Variants in PLXNA2 observed in about 807,000 individuals in gnomAD.
PLXNA2 encodes plexin A2, also known as plexin-A2.
PLXNA2 carries 91 observed loss-of-function variants against 193.5 expected under a neutral mutation model. The observed-to-expected ratio is 0.47, with a 90% confidence interval of 0.40 to 0.56. PLXNA2 has a LOEUF of 0.56. Among genes scored for constraint, PLXNA2 ranks in the 20% least tolerant of loss-of-function variants. PLXNA2 has a pLI of 0.00. For missense variants in PLXNA2, 1,995 were observed against 2,503.2 expected (o/e 0.80, Z 4.33); for synonymous variants, 997 against 1,027.3 (o/e 0.97, Z 0.56).
intron 3 of PLXNA2, among the ~76,000 whole-genome samples, chr1:208,189,260 T>C (rs972906197): frequency 1.2e-4 from 19 of 152,168 alleles, no homozygotes; most frequent in African/African-American, 4.6e-4. Flanking sequence ...GAGAGTCTTA[T>C]GGTGATGACT....
chr1:208,210,237 G>A, intron 3 of PLXNA2, 43 bp downstream of exon 3: 1 of 1,592,000 alleles, frequency 6.3e-7, no homozygotes, highest in Non-Finnish European at 8.6e-7. Flanking sequence ...TCTTTGCTGA[G>A]GAGGTGAATG....
Position 208,082,261 on chromosome 1 carries a change from C to T in PLXNA2, c.2395+151G>A. 1 of 664,144 alleles carries T rather than the reference C, an allele frequency of 1.5e-6. No individual in the cohort carries two copies. The highest frequency in any genetic ancestry group is 2.7e-6 in the Non-Finnish European group (1 of 370,802). 41.1% of individuals were successfully genotyped at this position (664,144 alleles called of 1,614,324 possible). A position where few individuals can be genotyped will look rare whatever the true frequency, so the allele number is the denominator to read the frequency against. On this transcript the variant is annotated intron_variant, in intron 11 of 31. Coordinates refer to ENST00000367033, the MANE Select transcript of PLXNA2 (RefSeq NM_025179.4). The surrounding 1 kb of genome is among the most constrained non-coding windows in gnomAD (Gnocchi z 4.2). ...CCCAACAGGACTCCTTTGATGACTC[C>T]AAATGTTGCTTTAGGATCCTCTGAA... is the stretch of plus-strand genomic sequence containing the variant.
In PLXNA2 at chr1:208,099,337, G is replaced by A. The variant is rs139320531; in HGVS notation, c.1608-368C>T. On this transcript the variant is annotated intron_variant, in intron 5 of 31. Transcript: ENST00000367033. ...AAAGTTCACTCCACAGTGCGGGAGC[G>A]GGCCTGAGCATAGGGGCTCAAAGGC... 2.8e-4 allele frequency among the ~76,000 whole-genome samples: 42 copies of A among 152,352 alleles called. 1 individual carries two copies. Among genetic ancestry groups the A allele is most frequent in the African/African-American group, 8.9e-4 (37 of 41,588 alleles).
At chr1:208,066,721 A>G (rs979720802) in intron 12 of PLXNA2, among the ~76,000 whole-genome samples, 1 of 152,190 alleles carries the variant, frequency 6.6e-6, no homozygotes, top group Non-Finnish European at 1.5e-5. Context: ...GGATTCCAGA[A>G]GAAGGCATTG....
chr1:208,137,841 G>A (rs1356101950), intron 4 of PLXNA2, among the ~76,000 whole-genome samples: 1 of 152,108 alleles, frequency 6.6e-6, no homozygotes, highest in African/African-American at 2.4e-5. Flanking sequence ...AGCTCTGTGG[G>A]GAGATGAAAA....
chr1:208,202,283 G>C (rs1252249590), intron 3 of PLXNA2, among the ~76,000 whole-genome samples: 1 of 152,054 alleles, frequency 6.6e-6, no homozygotes, highest in Non-Finnish European at 1.5e-5. Context: ...CCTGGCCAGG[G>C]CAGCCATTTT....
rs1302995386 is a variant in PLXNA2 at position 208,216,726 on chromosome 1, C to G, written c.1188+9G>C. 6.2e-7 allele frequency: 1 copy of G among 1,606,640 alleles called. No homozygotes were observed. Among genetic ancestry groups the G allele is most frequent in the African/African-American group, 1.3e-5 (1 of 74,916 alleles). ...GAGCAGGAGCAGAGCGAGGTGTGTG[C>G]CTCCTTACCGCCTTGGTGCACTGGA... is the stretch of plus-strand genomic sequence containing the variant. On this transcript the variant is annotated intron_variant, in intron 2 of 31. Coordinates refer to ENST00000367033, the MANE Select transcript of PLXNA2 (RefSeq NM_025179.4).
chr1:208,243,487 C>T (rs1672129716), intron 1 of PLXNA2, among the ~76,000 whole-genome samples, 156 bp downstream of exon 1: 1 of 152,028 alleles, frequency 6.6e-6, no homozygotes. Flanking sequence ...GTGGCCGAGC[C>T]CACGCGGGGA....
chr1:208,036,934 T>C (rs1380511922), intron 26 of PLXNA2, among the ~76,000 whole-genome samples: 1 of 152,148 alleles, frequency 6.6e-6, no homozygotes, highest in African/African-American at 2.4e-5. Flanking sequence ...AACTCATGAT[T>C]TGGGGGCATC....
rs768673452 is a variant in PLXNA2 at position 208,079,264 on chromosome 1, G to C, written c.2582C>G (p.Thr861Ser). ...CTAGAGACTTGCAGGACTTACCTCG[G>C]TGATTTGAGGGTTGGAGCACTTGAC... ...HNVKCSNPQITEILTVSGPPE... is the reference protein window; with the variant it reads ...HNVKCSNPQISEILTVSGPPE... Residue 861 changes from threonine to serine, a missense_variant, in exon 12 of 32, where the codon ACC (threonine) becomes AGC (serine). Physicochemically the swap from Thr to Ser is moderately conservative, Grantham distance 58. Coordinates refer to ENST00000367033, the MANE Select transcript of PLXNA2 (RefSeq NM_025179.4). The C allele has an allele frequency of 6.2e-7, 1 of 1,602,500 alleles. No homozygotes were observed.
intron 4 of PLXNA2, among the ~76,000 whole-genome samples, chr1:208,138,284 A>G (rs1668360175): frequency 6.6e-6 from 1 of 152,204 alleles, no homozygotes; most frequent in African/African-American, 2.4e-5. Flanking sequence ...GAGATATTCA[A>G]CACTTAATTA....
In PLXNA2 at chr1:208,038,118, G is replaced by C. The variant is rs1450018642; in HGVS notation, c.4764+253C>G. ...TGCAAATGTAGAGGTACACAGAATAGAAATGCCTAGGCCTTACCCCAGACC... is the reference window on the plus strand; with the variant it reads ...TGCAAATGTAGAGGTACACAGAATACAAATGCCTAGGCCTTACCCCAGACC... On this transcript the variant is annotated intron_variant, in intron 26 of 31. Transcript: ENST00000367033. This position sits in a 1 kb window ranked among gnomAD's most constrained non-coding sequence, Gnocchi z 4.1. 2.0e-5 allele frequency among the ~76,000 whole-genome samples: 3 copies of C among 152,202 alleles called. No individual in the cohort carries two copies. The highest frequency in any genetic ancestry group is 2.0e-4 in the Admixed American group (3 of 15,280).
chr1:208,077,320 C>CG (rs924759963), intron 12 of PLXNA2, among the ~76,000 whole-genome samples: 1 of 152,166 alleles, frequency 6.6e-6, no homozygotes, highest in Non-Finnish European at 1.5e-5. Flanking sequence ...ATAATTACCT[C>CG]GGGGGGTTAA....
intron 3 of PLXNA2, among the ~76,000 whole-genome samples, chr1:208,190,675 A>G (rs1267164565): frequency 6.6e-6 from 1 of 152,226 alleles, no homozygotes; most frequent in Non-Finnish European, 1.5e-5. Context: ...AAGACATAGC[A>G]ATGAAAAGAC....
intron 3 of PLXNA2, among the ~76,000 whole-genome samples, chr1:208,161,518 C>G (rs1669103830): frequency 6.6e-6 from 1 of 152,166 alleles, no homozygotes; most frequent in South Asian, 2.1e-4. Flanking sequence ...TGTGCAACTT[C>G]ACGAGAGAGT....
intron 22 of PLXNA2, 31 bp from the exon 23 acceptor site, chr1:208,040,089 C>T: frequency 6.3e-7 from 1 of 1,587,924 alleles, no homozygotes; most frequent in South Asian, 1.1e-5. Flanking sequence ...AAGGGGCAGT[C>T]CTTCACAGAG....
chr1:208,168,738 T>G (rs7522661), intron 3 of PLXNA2, among the ~76,000 whole-genome samples: 7,634 of 140,498 alleles, frequency 0.054, 417 homozygotes, highest in Non-Finnish European at 0.085. Flanking sequence ...TTTTTTTTTT[T>G]TTTTTTTTTT....
chr1:208,189,975 A>G (rs1401051257), intron 3 of PLXNA2, among the ~76,000 whole-genome samples: 2 of 152,202 alleles, frequency 1.3e-5, no homozygotes, highest in South Asian at 2.1e-4. Context: ...GTGTGGTTGT[A>G]TGTGTAAGAT....
Position 208,051,031 on chromosome 1 carries a change from A to G in PLXNA2, c.3233T>C (p.Phe1078Ser). 6.2e-7 allele frequency: 1 copy of G among 1,613,766 alleles called. No individual in the cohort carries two copies. The highest frequency in any genetic ancestry group is 8.5e-7 in the Non-Finnish European group (1 of 1,179,668). ...CACATTGACAGATTCTTTGCCATTGAATTTGACTCGGATCCTTGGCTCCTG... is the reference window on the plus strand; with the variant it reads ...CACATTGACAGATTCTTTGCCATTGGATTTGACTCGGATCCTTGGCTCCTG... ...VIQEPRIRVKFNGKESVNVCK... is the reference protein window; with the variant it reads ...VIQEPRIRVKSNGKESVNVCK... The change falls in exon 17 of 32, where the codon TTC (phenylalanine) becomes TCC (serine). Residue 1078 changes from phenylalanine (F) to serine (S), a missense_variant. This residue lies in a region of PLXNA2 where 1,291 missense variants were observed against 1,673.6 expected (regional missense o/e 0.77). Coordinates refer to ENST00000367033, the MANE Select transcript of PLXNA2 (RefSeq NM_025179.4).
Sources: gnomAD v4.1 joint callset for allele counts (sites outside exome capture counted in the v4.1 genomes callset) on GRCh38, gnomAD v4.1.1 for gene constraint, gnomAD v4.1.1 regional missense constraint, Gnocchi (gnomAD v3.1) non-coding constraint, MANE v1.5 for transcripts, NCBI Gene and HGNC (gene_info 2026-07-23, HGNC 2026-07-21) for gene names.